The following FBXO38 variants were observed in gnomAD, a reference collection of about 807,000 sequenced individuals.
FBXO38 encodes F-box protein 38.
FBXO38 carries 53 observed loss-of-function variants against 131.9 expected under a neutral mutation model. The observed-to-expected ratio is 0.40, with a 90% confidence interval of 0.32 to 0.51. FBXO38 has a LOEUF of 0.51. Ranked by LOEUF, FBXO38 falls within the 20% of genes least tolerant of loss-of-function variation. The pLI is 0.53. For synonymous variants in FBXO38, 452 were observed against 505.6 expected, an observed-to-expected ratio of 0.89 and a Z score of 1.42; for missense variants, 1,076 against 1,475.6, an observed-to-expected ratio of 0.73 and a Z score of 4.44.
chr5:148,400,528 A>G (rs982715883), intron 3 of FBXO38, among the ~76,000 whole-genome samples: 10 of 152,114 alleles, frequency 6.6e-5, no homozygotes, highest in Non-Finnish European at 1.5e-4. Flanking sequence ...CATCTTTGCA[A>G]TGAATGTAAA....
intron 1 of FBXO38, among the ~76,000 whole-genome samples, chr5:148,393,188 G>GTTGTGTGTGTGTGTGT: frequency 7.9e-6 from 1 of 127,082 alleles, no homozygotes; most frequent in South Asian, 2.8e-4. Flanking sequence ...ACAGAAGAGG[G>GTTGTGTGTGTGTGTGT]GTGTGTGTGT....
chr5:148,385,965 T>C (rs1757892460), intron 1 of FBXO38, among the ~76,000 whole-genome samples: 1 of 152,096 alleles, frequency 6.6e-6, no homozygotes, highest in Non-Finnish European at 1.5e-5. Flanking sequence ...GAGATTTGAA[T>C]TGACGAGATA....
intron 15 of FBXO38, 129 bp from the exon 16 acceptor site, chr5:148,433,295 A>G (rs895456064): frequency 2.3e-5 from 15 of 642,266 alleles, no homozygotes; most frequent in Non-Finnish European, 3.9e-5. Flanking sequence ...ATGTAACTGT[A>G]TTCCACTGGG....
At chr5:148,437,969 G>A (rs942900184) in intron 17 of FBXO38, among the ~76,000 whole-genome samples, 3 of 152,052 alleles carry the variant, frequency 2.0e-5, no homozygotes, top group African/African-American at 7.2e-5. Flanking sequence ...TCCTGAGAGT[G>A]AATGTAAGGT....
intron 19 of FBXO38, among the ~76,000 whole-genome samples, chr5:148,440,151 G>A (rs971877197): frequency 6.6e-6 from 1 of 152,136 alleles, no homozygotes; most frequent in African/African-American, 2.4e-5. Flanking sequence ...TTATATAAAT[G>A]TTGCATTAAG....
intron 1 of FBXO38, 143 bp downstream of exon 1, chr5:148,384,182 A>C (rs1271870074): frequency 6.6e-6 from 1 of 152,296 alleles, no homozygotes; most frequent in Non-Finnish European, 1.5e-5. Context: ...TGGGGCCTAG[A>C]GCTCCTTGAG....
At chr5:148,389,655 T>G (rs1758093946) in intron 1 of FBXO38, 1 of 152,210 alleles carries the variant, frequency 6.6e-6, no homozygotes, top group Non-Finnish European at 1.5e-5. Context: ...ACAAGGCTAG[T>G]GATGGCAGTT....
At position 148,441,109 on chromosome 5, in the gene FBXO38, AC is replaced by A. The variant is rs766338496; in HGVS notation, c.3275-14del. 25 of 1,593,602 alleles carry A rather than the reference AC, an allele frequency of 1.6e-5. No individual in the cohort carries two copies. The highest frequency in any genetic ancestry group is 1.7e-4 in the Middle Eastern group (1 of 6,056). ...CACTCCCACGCCAGTTAGCAATGTT[AC>A]ATTTGTCTTTTAGGTGTTGTGGATG... On this transcript the variant is annotated splice_polypyrimidine_tract_variant and intron_variant, in intron 20 of 21. Coordinates refer to ENST00000340253, the MANE Select transcript of FBXO38 (RefSeq NM_205836.3).
At chr5:148,416,119 T>A (rs757174535) in intron 11 of FBXO38, 49 bp downstream of exon 11, 28 of 1,454,410 alleles carry the variant, frequency 1.9e-5, no homozygotes, top group Non-Finnish European at 1.0e-5. Flanking sequence ...GGAAAGAAAA[T>A]AAAAACAGCC....
At chr5:148,394,606 A>G (rs141973257) in intron 1 of FBXO38, 108 bp from the exon 2 acceptor site, 15 of 406,256 alleles carry the variant, frequency 3.7e-5, no homozygotes, top group African/African-American at 2.7e-4. Flanking sequence ...TGTGATGTGT[A>G]CCATTATGAT....
intron 12 of FBXO38, among the ~76,000 whole-genome samples, chr5:148,418,797 A>G (rs752100314): frequency 6.6e-6 from 1 of 152,244 alleles, no homozygotes; most frequent in Non-Finnish European, 1.5e-5. Flanking sequence ...TTACTTTGCC[A>G]TGGACTTCTC....
intron 17 of FBXO38, 76 bp from the exon 18 acceptor site, chr5:148,438,256 A>G: frequency 7.4e-7 from 1 of 1,360,042 alleles, no homozygotes; most frequent in Non-Finnish European, 1.0e-6. Flanking sequence ...TTACTGCAGT[A>G]TTTTGTGCCA....
intron 3 of FBXO38, 28 bp from the exon 4 acceptor site, chr5:148,401,954 T>C: frequency 6.4e-7 from 1 of 1,557,274 alleles, no homozygotes. Context: ...AAGATGAACC[T>C]GGCTCTAAAT....
chr5:148,433,467 G>A lies in FBXO38; in HGVS notation c.2697G>A (p.Arg899=). ...TKPRHAMKRK[R]TADKSTSTSD... is the part of the protein sequence containing the mutation. ...CACGTCACGCCATGAAACGGAAGCG[G>A]ACAGCAGATAAATCCACTAGTACAA... The change falls in exon 16 of 22, where the codon CGG becomes CGA. Residue 899 remains arginine (R), a synonymous_variant. Transcript: ENST00000340253. The A allele has an allele frequency of 1.2e-6, 2 of 1,613,944 alleles. No individual in the cohort carries two copies. Among genetic ancestry groups the A allele is most frequent in the Non-Finnish European group, 1.7e-6 (2 of 1,179,942 alleles).
At chr5:148,419,219 T>G (rs1753252952) in intron 12 of FBXO38, among the ~76,000 whole-genome samples, 1 of 152,170 alleles carries the variant, frequency 6.6e-6, no homozygotes, top group Admixed American at 6.5e-5. Flanking sequence ...AGAGGAAGCC[T>G]AAGAAAACCA....
At chr5:148,440,354 G>A in intron 19 of FBXO38, 70 bp from the exon 20 acceptor site, 1 of 925,578 alleles carries the variant, frequency 1.1e-6, no homozygotes, top group Non-Finnish European at 1.8e-6. Context: ...AGTTTTGATG[G>A]TTCCTTCCTA....
At chr5:148,393,190 T>TGG (rs1164675064) in intron 1 of FBXO38, among the ~76,000 whole-genome samples, 3 of 95,480 alleles carry the variant, frequency 3.1e-5, no homozygotes, top group Non-Finnish European at 6.1e-5. Context: ...AGAAGAGGGG[T>TGG]GTGTGTGTGT....
At chr5:148,436,878 T>C (rs1315180011) in intron 17 of FBXO38, among the ~76,000 whole-genome samples, 2 of 152,216 alleles carry the variant, frequency 1.3e-5, no homozygotes, top group African/African-American at 4.8e-5. Context: ...AGTTTCCTTT[T>C]ACAGTGGAGA....
chr5:148,398,388 G>A (rs1751932505), intron 2 of FBXO38, among the ~76,000 whole-genome samples: 1 of 151,486 alleles, frequency 6.6e-6, no homozygotes, highest in African/African-American at 2.4e-5. Context: ...TTCACATGAG[G>A]TGTCTTAATA....
Sources: allele counts gnomAD v4.1 joint callset (sites outside exome capture counted in the v4.1 genomes callset), GRCh38; gene constraint gnomAD v4.1.1; transcripts MANE v1.5; gene names NCBI Gene and HGNC (gene_info 2026-07-23, HGNC 2026-07-21).